The following PLPPR1 variants were observed in gnomAD, a reference collection of about 807,000 sequenced individuals.
The protein encoded by PLPPR1 is phospholipid phosphatase-related protein type 1.
PLPPR1 carries 10 observed loss-of-function variants against 33.1 expected under a neutral mutation model. That is an observed-to-expected ratio of 0.30 (90% CI 0.19 to 0.51). The LOEUF (loss-of-function observed/expected upper bound fraction) is 0.51, where lower values mean the gene tolerates loss of function less well. Ranked by LOEUF, PLPPR1 falls within the 20% of genes least tolerant of loss-of-function variation. PLPPR1 has a pLI of 0.97. For missense variants in PLPPR1, 304 were observed against 408.1 expected (o/e 0.74, Z 2.20); for synonymous variants, 151 against 151.0 (o/e 1.00, Z 0.00).
rs373004851 is a variant in PLPPR1, at chr9:101,106,545, A to T, written c.-46+77443A>T. On this transcript the variant is annotated intron_variant, in intron 1 of 7. Transcript: ENST00000374874. ...TGTTAGTCTGATGGGCTTTCCTTTG[A>T]GGGTAACCCGACCTTTCTCTCTGGC... Among the ~76,000 whole-genome samples the T allele has an allele frequency of 8.6e-3, 840 of 98,064 alleles. 39 individuals are homozygous for T. The South Asian group carries it at 0.12, about 14-fold the overall frequency. 64.3% of individuals were successfully genotyped at this position (98,064 alleles called of 152,430 possible).
intron 1 of PLPPR1, among the ~76,000 whole-genome samples, chr9:101,091,467 G>C (rs77681484): frequency 0.053 from 8,082 of 152,132 alleles, 377 homozygotes; most frequent in African/African-American, 0.12. Flanking sequence ...TGTTCCTTGG[G>C]TCATAGCTGC....
In PLPPR1 at chr9:101,191,563, A is replaced by T. The variant is rs777149185; in HGVS notation, c.63+6006A>T. 4.6e-5 allele frequency among the ~76,000 whole-genome samples: 7 copies of T among 152,070 alleles called. No individual in the cohort carries two copies. The South Asian group carries it at 1.4e-3, about 31-fold the overall frequency. The stretch of plus-strand genomic sequence containing the variant: ...TTTTTTTGTAAAAAGGACTTCTCTG[A>T]GGAAAAACACATTCTAATTGGTGAG... On this transcript the variant is annotated intron_variant, in intron 2 of 7. Coordinates refer to ENST00000374874, the MANE Select transcript of PLPPR1 (RefSeq NM_207299.2).
At chr9:101,319,139 T>G (rs115226983) in intron 7 of PLPPR1, among the ~76,000 whole-genome samples, 5,508 of 152,294 alleles carry the variant, frequency 0.036, 345 homozygotes, top group African/African-American at 0.12. Context: ...ATTTAACGAT[T>G]ATTAACTATG....
At chr9:101,300,886 C>G (rs1828738462) in intron 4 of PLPPR1, among the ~76,000 whole-genome samples, 1 of 152,024 alleles carries the variant, frequency 6.6e-6, no homozygotes. Flanking sequence ...CATTATACCG[C>G]CTAGAGGGAC....
chr9:101,181,222 A>C (rs1826105516), intron 1 of PLPPR1, among the ~76,000 whole-genome samples: 1 of 148,092 alleles, frequency 6.8e-6, no homozygotes, highest in South Asian at 2.1e-4. Flanking sequence ...TATTCTCATC[A>C]CTGATGATCA....
At chr9:101,059,084 G>C (rs1455829283) in intron 1 of PLPPR1, among the ~76,000 whole-genome samples, 1 of 152,052 alleles carries the variant, frequency 6.6e-6, no homozygotes, top group Non-Finnish European at 1.5e-5. Context: ...TTACCAGCAA[G>C]GGAGTTTTTC....
intron 6 of PLPPR1, among the ~76,000 whole-genome samples, chr9:101,315,689 C>T (rs1434942715): frequency 1.3e-5 from 2 of 152,070 alleles, no homozygotes; most frequent in East Asian, 3.9e-4. Context: ...TAAGAGAGAC[C>T]ACCCTGTTGG....
rs150829901 is a variant in PLPPR1 at position 101,205,271 on chromosome 9, G to A, written c.63+19714G>A. The stretch of plus-strand genomic sequence containing the variant: ...CTCAAAGACCAGATTCAGGAAAAGC[G>A]GTTGATTAGAAATTTAAATTTTAAA... On this transcript the variant is annotated intron_variant, in intron 2 of 7. Coordinates refer to ENST00000374874, the MANE Select transcript of PLPPR1 (RefSeq NM_207299.2). 2.9e-3 allele frequency among the ~76,000 whole-genome samples: 442 copies of A among 152,190 alleles called. 3 individuals are homozygous for A. The highest frequency in any genetic ancestry group is 0.01 in the African/African-American group (423 of 41,530).
At chr9:101,110,770 A>G (rs940475073) in intron 1 of PLPPR1, among the ~76,000 whole-genome samples, 2 of 152,154 alleles carry the variant, frequency 1.3e-5, no homozygotes, top group Non-Finnish European at 2.9e-5. Flanking sequence ...AAGAAAAAAT[A>G]TAGGTGTTTG....
intron 2 of PLPPR1, among the ~76,000 whole-genome samples, chr9:101,190,354 T>C (rs1393518404): frequency 1.3e-5 from 2 of 152,182 alleles, no homozygotes; most frequent in Non-Finnish European, 2.9e-5. Flanking sequence ...TTATGTCTTT[T>C]GCCATTTTGG....
At chr9:101,057,537 T>C (rs1218068307) in intron 1 of PLPPR1, among the ~76,000 whole-genome samples, 1 of 149,476 alleles carries the variant, frequency 6.7e-6, no homozygotes, top group Non-Finnish European at 1.5e-5. Context: ...TGGTATATTG[T>C]AAAAAAAAAA....
At chr9:101,242,328 GGA>G (rs770934454) in intron 2 of PLPPR1, among the ~76,000 whole-genome samples, 14 of 151,528 alleles carry the variant, frequency 9.2e-5, no homozygotes, top group Non-Finnish European at 1.6e-4. Flanking sequence ...CCACCTTCAG[GGA>G]GAGGAGAATT....
At chr9:101,256,262 AACTC>A (rs1564018152) in intron 2 of PLPPR1, among the ~76,000 whole-genome samples, 1 of 152,198 alleles carries the variant, frequency 6.6e-6, no homozygotes, top group Non-Finnish European at 1.5e-5. Flanking sequence ...AATTGATAGA[AACTC>A]AAGAGTTTAA....
chr9:101,108,797 A>G (rs939068391), intron 1 of PLPPR1, among the ~76,000 whole-genome samples: 2 of 152,166 alleles, frequency 1.3e-5, no homozygotes, highest in Non-Finnish European at 2.9e-5. Context: ...TTTCATTTCC[A>G]AGAGCTATTT....
intron 4 of PLPPR1, among the ~76,000 whole-genome samples, chr9:101,297,530 A>G (rs1828670071): frequency 6.6e-6 from 1 of 152,220 alleles, no homozygotes; most frequent in Non-Finnish European, 1.5e-5. Context: ...CCTTTGATTC[A>G]CAAATCCAAC....
chr9:101,161,496 GCTTA>G (rs1246252405), intron 1 of PLPPR1, among the ~76,000 whole-genome samples: 1 of 152,064 alleles, frequency 6.6e-6, no homozygotes, highest in East Asian at 1.9e-4. Context: ...TTGCACTAAG[GCTTA>G]CTTGTCTGAT....
intron 1 of PLPPR1, among the ~76,000 whole-genome samples, chr9:101,048,930 G>T (rs1265298671): frequency 6.6e-6 from 1 of 152,144 alleles, no homozygotes; most frequent in Admixed American, 6.5e-5. Flanking sequence ...AAAGAGCAAA[G>T]TGTATAAATA....
At position 101,314,169 on chromosome 9, in the gene PLPPR1, G is replaced by C. The variant is rs553091075; in HGVS notation, c.813+1195G>C. Among the ~76,000 whole-genome samples the C allele has an allele frequency of 3.3e-5, 5 of 152,288 alleles. No individual in the cohort carries two copies. The South Asian group carries it at 1.0e-3, about 32-fold the overall frequency. ...TTCAGGAAGCCTCCCCAAGGAGAAAGAAGCCATCACAGTCTTGTAGGACCT... is the reference window on the plus strand; with the variant it reads ...TTCAGGAAGCCTCCCCAAGGAGAAACAAGCCATCACAGTCTTGTAGGACCT... On this transcript the variant is annotated intron_variant, in intron 6 of 7. Coordinates refer to ENST00000374874, the MANE Select transcript of PLPPR1 (RefSeq NM_207299.2).
chr9:101,057,979 C>T (rs1387189190), intron 1 of PLPPR1, among the ~76,000 whole-genome samples: 1 of 152,038 alleles, frequency 6.6e-6, no homozygotes, highest in Non-Finnish European at 1.5e-5. Flanking sequence ...TTTTGTGAAA[C>T]ATCTACCTTC....
Sources: allele counts gnomAD v4.1 joint callset (sites outside exome capture counted in the v4.1 genomes callset), GRCh38; gene constraint gnomAD v4.1.1; transcripts MANE v1.5; gene names NCBI Gene and HGNC (gene_info 2026-07-23, HGNC 2026-07-21).